CLOCK: variants seen among roughly 807,000 people sequenced by gnomAD.
The protein encoded by CLOCK is circadian locomoter output cycles protein kaput.
CLOCK carries 43 observed loss-of-function variants against 118.4 expected under a neutral mutation model. That is an observed-to-expected ratio of 0.36 (90% confidence interval 0.28 to 0.47). The LOEUF (loss-of-function observed/expected upper bound fraction) is 0.47. CLOCK is among the 20% of genes least tolerant of loss of function. CLOCK has a pLI of 1.00. For synonymous variants in CLOCK, 326 were observed against 339.2 expected (o/e 0.96, Z 0.43); for missense variants, 846 against 999.9 (o/e 0.85, Z 2.08).
chr4:55,539,676 A>G (rs187188794), intron 1 of CLOCK, among the ~76,000 whole-genome samples: 87 of 151,912 alleles, frequency 5.7e-4, no homozygotes, highest in African/African-American at 2.1e-3. Context: ...ATCAAAATGC[A>G]TGATATAGGG....
At position 55,443,883 on chromosome 4, in the gene CLOCK, T is replaced by C. The variant is rs754789250; in HGVS notation, c.1706A>G (p.Gln569Arg). 6.2e-7 allele frequency: 1 copy of C among 1,612,568 alleles called. No homozygotes were observed. The highest frequency in any genetic ancestry group is 8.5e-7 in the Non-Finnish European group (1 of 1,179,844). ...ACCAAAATTCAACCCAGGATTTGATTGTTGCAAAAACATCTTTAAAAATAA... is the reference window on the plus strand; with the variant it reads ...ACCAAAATTCAACCCAGGATTTGATCGTTGCAAAAACATCTTTAAAAATAA... ...HGQGLQMFLQ[Q>R]SNPGLNFGSV... The change falls in exon 20 of 23, where the codon CAA becomes CGA. Residue 569 changes from glutamine to arginine, a missense_variant. By Grantham distance (43) the Gln-to-Arg change is conservative (BLOSUM62 1). Around this residue, in one of 4 missense-constraint regions of CLOCK, gnomAD observed 520 missense variants for 558.0 expected, o/e 0.93. Coordinates refer to ENST00000513440, the MANE Select transcript of CLOCK (RefSeq NM_004898.4).
At chr4:55,482,261 A>G (rs1726985862) in intron 4 of CLOCK, among the ~76,000 whole-genome samples, 1 of 152,158 alleles carries the variant, frequency 6.6e-6, no homozygotes, top group Non-Finnish European at 1.5e-5. Flanking sequence ...CCTCCTCCAA[A>G]AATTTCAAGT....
Position 55,448,883 on chromosome 4 carries a change from AAAAT to A in CLOCK, c.1450-19_1450-16del, listed in dbSNP as rs1285320925. On this transcript the variant is annotated splice_polypyrimidine_tract_variant and intron_variant, in intron 17 of 22. Coordinates refer to ENST00000513440, the MANE Select transcript of CLOCK (RefSeq NM_004898.4). The stretch of plus-strand genomic sequence containing the variant: ...GAATTTATGGACTAGAGCAAAATAA[AAAAT>A]AACACTGAAGTGATTCTCATTCCCA... 1.9e-6 allele frequency: 3 copies of A among 1,579,228 alleles called. No individual in the cohort carries two copies. The Admixed American group carries it at 5.0e-5, about 26-fold the overall frequency.
chr4:55,495,578 G>T (rs1221378616), intron 2 of CLOCK, among the ~76,000 whole-genome samples: 1 of 151,966 alleles, frequency 6.6e-6, no homozygotes, highest in African/African-American at 2.4e-5. Flanking sequence ...CCTTATTGTA[G>T]TCATTCACAA....
At chr4:55,535,932 T>C (rs936672012) in intron 1 of CLOCK, among the ~76,000 whole-genome samples, 3 of 151,896 alleles carry the variant, frequency 2.0e-5, no homozygotes, top group Non-Finnish European at 2.9e-5. Context: ...AGGCTGAAAA[T>C]TGAGGCCTGA....
In CLOCK at chr4:55,445,165, A is replaced by T. The variant is rs960568111; in HGVS notation, c.1540-380T>A. ...TGGTCTGGTTATTGTTAATTTCTGA[A>T]ATCAAAGTTGTGTGCCCTGAAATGT... is the stretch of plus-strand genomic sequence containing the variant. On this transcript the variant is annotated intron_variant, in intron 18 of 22. Transcript: ENST00000513440. 1.0e-4 allele frequency among the ~76,000 whole-genome samples: 7 copies of T among 68,786 alleles called. 1 individual carries two copies. Among genetic ancestry groups the T allele is most frequent in the African/African-American group, 2.2e-4 (6 of 26,752 alleles). 45.1% of individuals were successfully genotyped at this position (68,786 alleles called of 152,430 possible). A position where few individuals can be genotyped will look rare whatever the true frequency, so the allele number is the denominator to read the frequency against.
At chr4:55,518,343 C>T (rs188115374) in intron 1 of CLOCK, among the ~76,000 whole-genome samples, 3 of 152,198 alleles carry the variant, frequency 2.0e-5, no homozygotes, top group Non-Finnish European at 4.4e-5. Flanking sequence ...CTGACCAGTG[C>T]TAAAGAGACA....
At chr4:55,462,387 A>G (rs1215779848) in intron 9 of CLOCK, among the ~76,000 whole-genome samples, 4 of 152,124 alleles carry the variant, frequency 2.6e-5, no homozygotes, top group African/African-American at 9.7e-5. Flanking sequence ...CCGGGGTTCA[A>G]GCAATTATCC....
At position 55,546,854 on chromosome 4, in the gene CLOCK, G is replaced by C. The variant is rs535371917; in HGVS notation, c.-362C>G. On this transcript the variant is annotated 5_prime_UTR_variant, in exon 1 of 23. Transcript: ENST00000513440. ...TCTCCGGGGTTTCCTTTTTTAAACCGGCAGCCGCAAGCCGAGTCCGTGATT... is the reference window on the plus strand; with the variant it reads ...TCTCCGGGGTTTCCTTTTTTAAACCCGCAGCCGCAAGCCGAGTCCGTGATT... 3 of 152,070 alleles carry C rather than the reference G, an allele frequency of 2.0e-5. No homozygotes were observed. Among genetic ancestry groups the C allele is most frequent in the Admixed American group, 6.5e-5 (1 of 15,268 alleles). The allele number at this position is 152,070 out of a possible 1,614,324, so 9.4% of individuals were successfully genotyped here.
intron 1 of CLOCK, among the ~76,000 whole-genome samples, chr4:55,539,417 T>A (rs1332248443): frequency 4.6e-5 from 7 of 151,204 alleles, no homozygotes; most frequent in African/African-American, 1.7e-4. Flanking sequence ...ATACAAAAAA[T>A]TTAAAAATTA....
rs1345751712 is a variant in CLOCK at position 55,525,825 on chromosome 4, G to GA, written c.-289-15761dup. On this transcript the variant is annotated intron_variant, in intron 1 of 22. Transcript: ENST00000513440. ...CCTTTCTACTTTCAAAGGCCTTTAA[G>GA]AAAAAATGAGTCAAGAAATTATTAG... Among the ~76,000 whole-genome samples the GA allele has an allele frequency of 1.4e-5, 2 of 143,152 alleles. 1 individual carries two copies. The highest frequency in any genetic ancestry group is 4.3e-4 in the South Asian group (2 of 4,620). 93.9% of individuals were successfully genotyped at this position (143,152 alleles called of 152,430 possible). A position where few individuals can be genotyped will look rare whatever the true frequency, so the allele number is the denominator to read the frequency against.
chr4:55,512,607 C>A (rs952340873), intron 1 of CLOCK, among the ~76,000 whole-genome samples: 1 of 151,784 alleles, frequency 6.6e-6, no homozygotes, highest in Non-Finnish European at 1.5e-5. Context: ...ACACGGAATA[C>A]GTCTTTGATG....
chr4:55,479,941 C>G (rs1310546235), intron 4 of CLOCK, among the ~76,000 whole-genome samples: 1 of 152,148 alleles, frequency 6.6e-6, no homozygotes, highest in East Asian at 1.9e-4. Flanking sequence ...ATGAACACAT[C>G]ATGCTAAACA....
intron 1 of CLOCK, among the ~76,000 whole-genome samples, chr4:55,517,603 A>T (rs1360028322): frequency 6.6e-6 from 1 of 152,166 alleles, no homozygotes; most frequent in Non-Finnish European, 1.5e-5. Flanking sequence ...ATTGGTTTTT[A>T]ATTTGTTGTT....
intron 8 of CLOCK, among the ~76,000 whole-genome samples, chr4:55,467,532 T>C (rs1305908951): frequency 6.6e-6 from 1 of 152,228 alleles, no homozygotes; most frequent in East Asian, 1.9e-4. Context: ...TTTGAGAAAG[T>C]GTGAACACAT....
rs573840966 is a variant in CLOCK at position 55,472,948 on chromosome 4, T to A, written c.349-2142A>T. Among the ~76,000 whole-genome samples the A allele has an allele frequency of 7.2e-4, 110 of 152,264 alleles. 1 individual carries two copies. The Middle Eastern group carries it at 0.01, about 14-fold the overall frequency. On this transcript the variant is annotated intron_variant, in intron 7 of 22. Coordinates refer to ENST00000513440, the MANE Select transcript of CLOCK (RefSeq NM_004898.4). ...CATAATAGGGTCAAAAGTAGACAAC[T>A]GTTCGCCAGGCTTACACCTGTAATC...
chr4:55,504,273 G>A (rs181393624), intron 2 of CLOCK, among the ~76,000 whole-genome samples: 3,393 of 113,358 alleles, frequency 0.03, 169 homozygotes, highest in African/African-American at 0.11. Context: ...GCGACACAGC[G>A]AGACTCCATC....
At chr4:55,535,069 C>T (rs1730802540) in intron 1 of CLOCK, among the ~76,000 whole-genome samples, 1 of 151,916 alleles carries the variant, frequency 6.6e-6, no homozygotes. Flanking sequence ...GGTGGGATCA[C>T]AAGTGCATGC....
intron 6 of CLOCK, among the ~76,000 whole-genome samples, chr4:55,477,481 A>C (rs773979245): frequency 1.4e-4 from 21 of 152,140 alleles, no homozygotes; most frequent in Non-Finnish European, 2.5e-4. Context: ...AGCTGAAAAA[A>C]AATCCTAAAA....
Sources: allele counts gnomAD v4.1 joint callset (sites outside exome capture counted in the v4.1 genomes callset), GRCh38; gene constraint gnomAD v4.1.1; regional missense constraint gnomAD v4.1.1; transcripts MANE v1.5; gene names NCBI Gene and HGNC (gene_info 2026-07-23, HGNC 2026-07-21).